The following GOLGA1 variants were observed in gnomAD, a reference collection of about 807,000 sequenced individuals.
GOLGA1 encodes the protein golgin A1.
In GOLGA1, 63 loss-of-function variants were observed where a neutral mutation model predicts 119.7. The observed-to-expected ratio is 0.53, with a 90% CI of 0.43 to 0.65. The LOEUF (loss-of-function observed/expected upper bound fraction) is 0.65. Among genes scored for constraint, GOLGA1 ranks in the 30% least tolerant of loss-of-function variants. GOLGA1 has a pLI of 0.00. For synonymous variants in GOLGA1, 318 were observed against 333.4 expected (o/e 0.95, Z 0.50); for missense variants, 798 against 912.8 (o/e 0.87, Z 1.62).
rs1028515446 is a variant in GOLGA1, at chr9:124,878,805, C to G, written c.*1725G>C. ...CTGCCTTTGGCTGGCTGTGAGCTACCCAGTCTTAGAGATTCTTTCCTGGAA... is the reference window on the plus strand; with the variant it reads ...CTGCCTTTGGCTGGCTGTGAGCTACGCAGTCTTAGAGATTCTTTCCTGGAA... On this transcript the variant is annotated 3_prime_UTR_variant, in exon 23 of 23. Transcript: ENST00000373555. 1 of 152,204 alleles carries G rather than the reference C, an allele frequency of 6.6e-6. No homozygotes were observed. The highest frequency in any genetic ancestry group is 1.5e-5 in the Non-Finnish European group (1 of 68,046). The allele number at this position is 152,204 out of a possible 1,614,324, so 9.4% of individuals were successfully genotyped here.
intron 20 of GOLGA1, 59 bp downstream of exon 20, chr9:124,882,451 G>A (rs1275880266): frequency 1.3e-5 from 16 of 1,277,788 alleles, no homozygotes; most frequent in East Asian, 2.3e-5. Flanking sequence ...CAGGAGGACC[G>A]GGCACAGGCA....
Position 124,919,101 on chromosome 9 carries a change from A to T in GOLGA1, c.843+2028T>A, listed in dbSNP as rs183798696. 2.3e-3 allele frequency among the ~76,000 whole-genome samples: 345 copies of T among 151,948 alleles called. 1 individual carries two copies. The highest frequency in any genetic ancestry group is 7.8e-3 in the African/African-American group (325 of 41,430). On this transcript the variant is annotated intron_variant, in intron 10 of 22. Coordinates refer to ENST00000373555, the MANE Select transcript of GOLGA1 (RefSeq NM_002077.4). ...CCATCTCTACAGATAATAATAATAA[A>T]AAAAAATTAGCCTGTTGTAGTGGCA...
chr9:124,947,093 C>A (rs1319779266), intron 1 of GOLGA1: 1 of 152,092 alleles, frequency 6.6e-6, no homozygotes, highest in East Asian at 1.9e-4. Context: ...GTTCCAAAAT[C>A]AAAATTCAGT....
chr9:124,886,519 GAGAGA>G lies in GOLGA1; in HGVS notation c.1905+1729_1905+1733del, dbSNP rs771972876. On this transcript the variant is annotated intron_variant, in intron 19 of 22. Transcript: ENST00000373555. ...TGTGGAGTGGTGGAGGAAAGGTTGA[GAGAGA>G]AGAGGAGTGGGAATGGAGATGGCAG... Among the ~76,000 whole-genome samples, 9 of 152,286 alleles carry G rather than the reference GAGAGA, an allele frequency of 5.9e-5. No individual in the cohort carries two copies. In the South Asian group the frequency reaches 8.3e-4, roughly 14 times the overall value.
chr9:124,930,529 C>G (rs1010771361), intron 4 of GOLGA1, among the ~76,000 whole-genome samples: 1 of 152,164 alleles, frequency 6.6e-6, no homozygotes, highest in African/African-American at 2.4e-5. Flanking sequence ...ACAAATACTT[C>G]ACATACAATT....
At chr9:124,913,477 C>G (rs549201295) in intron 10 of GOLGA1, among the ~76,000 whole-genome samples, 1 of 152,336 alleles carries the variant, frequency 6.6e-6, no homozygotes, top group East Asian at 1.9e-4. Context: ...TGCTCCATTT[C>G]AAGCCATAAA....
chr9:124,944,091 T>C (rs1564351200), upstream of GOLGA1: 1 of 152,198 alleles, frequency 6.6e-6, no homozygotes, highest in East Asian at 1.9e-4. Flanking sequence ...GTTTCTCTGA[T>C]TGTTGAACAG....
At chr9:124,912,573 C>T (rs570940395) in intron 10 of GOLGA1, among the ~76,000 whole-genome samples, 18 of 152,176 alleles carry the variant, frequency 1.2e-4, no homozygotes, top group Admixed American at 9.2e-4. Flanking sequence ...GACGGAGTGT[C>T]GCTCTGTTGC....
In GOLGA1 at chr9:124,900,463, T is replaced by A; in HGVS notation, c.1150A>T (p.Ile384Leu). 6.5e-7 allele frequency: 1 copy of A among 1,549,492 alleles called. No homozygotes were observed. The highest frequency in any genetic ancestry group is 1.1e-5 in the South Asian group (1 of 89,778). ...CAATAAGCACTTACGAGCTCCTGTA[T>A]CTGAGTTTCCTGGGCAGCCACAATG... ...KGIVAAQETQ[I>L]QELAAANQES... Residue 384 changes from isoleucine to leucine, a missense_variant, in exon 13 of 23, where the codon ATA becomes TTA. Physicochemically the swap from Ile to Leu is conservative, Grantham distance 5. Coordinates refer to ENST00000373555, the MANE Select transcript of GOLGA1 (RefSeq NM_002077.4).
intron 15 of GOLGA1, among the ~76,000 whole-genome samples, chr9:124,892,326 T>C (rs547852977): frequency 1.3e-5 from 2 of 152,352 alleles, no homozygotes; most frequent in African/African-American, 4.8e-5. Flanking sequence ...ATTTGTGCCT[T>C]CTTCTGACTT....
intron 22 of GOLGA1, 149 bp from the exon 23 acceptor site, chr9:124,880,759 G>A (rs769617013): frequency 2.6e-5 from 16 of 627,026 alleles, no homozygotes; most frequent in Non-Finnish European, 4.1e-5. Context: ...GATGGTGCCA[G>A]TAACCAGTCT....
chr9:124,923,405 A>C (rs1830609458), intron 7 of GOLGA1, among the ~76,000 whole-genome samples, 182 bp from the exon 8 acceptor site: 1 of 152,032 alleles, frequency 6.6e-6, no homozygotes, highest in Admixed American at 6.6e-5. Flanking sequence ...CCAAAGTGCT[A>C]AGATTACAGA....
intron 19 of GOLGA1, among the ~76,000 whole-genome samples, chr9:124,886,579 C>T (rs2131368905): frequency 6.6e-6 from 1 of 152,202 alleles, no homozygotes; most frequent in Admixed American, 6.5e-5. Flanking sequence ...GTCAGCACGG[C>T]AGGTGAGCAG....
intron 11 of GOLGA1, among the ~76,000 whole-genome samples, chr9:124,910,518 C>T (rs1830320428): frequency 6.6e-6 from 1 of 152,236 alleles, no homozygotes. Flanking sequence ...AAGCACTTCA[C>T]ATATTGTAAC....
chr9:124,916,877 C>CAAAAAAAAA (rs71494043), intron 10 of GOLGA1, among the ~76,000 whole-genome samples: 25 of 41,144 alleles, frequency 6.1e-4, no homozygotes, highest in Admixed American at 2.4e-3. Context: ...CCCTGACACA[C>CAAAAAAAAA]AAAAAAAAAA....
chr9:124,923,152 A>C lies in GOLGA1; in HGVS notation c.504T>G (p.Asp168Glu). The change falls in exon 8 of 23, where the codon GAT becomes GAG. Residue 168 changes from aspartate to glutamate, a missense_variant. Transcript: ENST00000373555. ...NQSMNLFQRRDEMDELEGFQQ... is the reference protein window; with the variant it reads ...NQSMNLFQRREEMDELEGFQQ... The stretch of plus-strand genomic sequence containing the variant: ...GGAACCCCTCTAATTCATCCATTTC[A>C]TCTCTCCTTTGGAAAAGATTCATAC... 6.2e-7 allele frequency: 1 copy of C among 1,604,562 alleles called. No homozygotes were observed. The highest frequency in any genetic ancestry group is 1.1e-5 in the South Asian group (1 of 90,574).
intron 15 of GOLGA1, among the ~76,000 whole-genome samples, chr9:124,894,220 G>A (rs1321481078): frequency 1.3e-5 from 2 of 152,256 alleles, no homozygotes; most frequent in East Asian, 3.9e-4. Context: ...GGCTCCTTTG[G>A]CGTCTTCTCT....
At chr9:124,882,866 C>T (rs956962694) in intron 19 of GOLGA1, among the ~76,000 whole-genome samples, 1 of 152,152 alleles carries the variant, frequency 6.6e-6, no homozygotes, top group African/African-American at 2.4e-5. Context: ...GGGGCTTGGT[C>T]CACCACACAC....
intron 13 of GOLGA1, 38 bp from the exon 14 acceptor site, chr9:124,899,516 A>G (rs760428523): frequency 1.5e-4 from 226 of 1,533,224 alleles, no homozygotes; most frequent in Non-Finnish European, 6.1e-5. Flanking sequence ...CAGGGTGACA[A>G]TGGTTTCCAG....
Sources: gnomAD v4.1 joint callset for allele counts (sites outside exome capture counted in the v4.1 genomes callset) on GRCh38, gnomAD v4.1.1 for gene constraint, MANE v1.5 for transcripts, NCBI Gene and HGNC (gene_info 2026-07-23, HGNC 2026-07-21) for gene names.